The following BCL11B variants were observed in gnomAD, a reference collection of about 807,000 sequenced individuals.
The protein encoded by BCL11B is BCL11 transcription factor B.
Under a neutral mutation model 49.9 loss-of-function variants are expected in BCL11B, and 8 were observed. That is an observed-to-expected ratio of 0.16 (90% CI 0.09 to 0.29). The LOEUF is 0.29. BCL11B is among the 10% of genes least tolerant of loss of function. BCL11B has a pLI of 1.00. For synonymous variants in BCL11B, 739 were observed against 637.4 expected (o/e 1.16, Z -2.40); for missense variants, 1,006 against 1,351.0 (o/e 0.74, Z 4.00).
At chr14:99,253,236 C>T (rs559497240) in intron 2 of BCL11B, among the ~76,000 whole-genome samples, 5 of 152,322 alleles carry the variant, frequency 3.3e-5, no homozygotes, top group African/African-American at 1.2e-4. Context: ...AACCCCCCGC[C>T]GGCTCCTCAG....
chr14:99,191,115 G>A (rs1378655430), intron 3 of BCL11B, among the ~76,000 whole-genome samples: 1 of 152,136 alleles, frequency 6.6e-6, no homozygotes, highest in African/African-American at 2.4e-5. Context: ...GAAAAAAACA[G>A]CCTAGGACAG....
intron 1 of BCL11B, chr14:99,264,872 G>A (rs1367952204): frequency 2.0e-5 from 3 of 152,232 alleles, no homozygotes; most frequent in Admixed American, 2.0e-4. Flanking sequence ...CACGCCCTGG[G>A]AAACATACTT....
chr14:99,269,998 C>A (rs891885036), intron 1 of BCL11B, among the ~76,000 whole-genome samples: 16 of 149,018 alleles, frequency 1.1e-4, no homozygotes, highest in African/African-American at 4.0e-4. Context: ...CTGCGGCGGG[C>A]GGGGAGCGCC....
At chr14:99,206,093 A>C (rs932967570) in intron 3 of BCL11B, among the ~76,000 whole-genome samples, 2 of 152,208 alleles carry the variant, frequency 1.3e-5, no homozygotes, top group African/African-American at 4.8e-5. Context: ...CTCCAGGAGC[A>C]GAGGCAGAGG....
intron 3 of BCL11B, among the ~76,000 whole-genome samples, chr14:99,179,121 A>C (rs1886623992): frequency 6.6e-6 from 1 of 152,178 alleles, no homozygotes; most frequent in Non-Finnish European, 1.5e-5. Context: ...CAGTTACTGG[A>C]AGTCAGGTAG....
rs765755759 is a variant in BCL11B at position 99,213,652 on chromosome 14, T to C, written c.640+17693A>G. Reference sequence around the variant, plus strand: ...CTCCCGGACGCCACAGGCTGCAGAGTCCATGAGCTTGGGCAGAGCACAAAG... The same window carrying C: ...CTCCCGGACGCCACAGGCTGCAGAGCCCATGAGCTTGGGCAGAGCACAAAG... On this transcript the variant is annotated intron_variant, in intron 3 of 3. Transcript: ENST00000357195. The surrounding 1 kb of genome is among the most constrained non-coding windows in gnomAD (Gnocchi z 5.1). Among the ~76,000 whole-genome samples the C allele has an allele frequency of 1.3e-5, 2 of 151,744 alleles. No individual in the cohort carries two copies. Among genetic ancestry groups the C allele is most frequent in the South Asian group, 4.2e-4 (2 of 4,796 alleles).
At chr14:99,185,881 C>T (rs1886838555) in intron 3 of BCL11B, among the ~76,000 whole-genome samples, 1 of 152,196 alleles carries the variant, frequency 6.6e-6, no homozygotes, top group Non-Finnish European at 1.5e-5. Context: ...GAAATGGTAT[C>T]GTTACAGCAA....
In BCL11B at chr14:99,194,080, G is replaced by C. The variant is rs1052489523; in HGVS notation, c.641-17885C>G. Among the ~76,000 whole-genome samples, 3 of 152,176 alleles carry C rather than the reference G, an allele frequency of 2.0e-5. No homozygotes were observed. Among genetic ancestry groups the C allele is most frequent in the Non-Finnish European group, 4.4e-5 (3 of 68,034 alleles). ...AGCAAATGGCAAATTCAGTGATTTT[G>C]CAAGGAATGGGAATGTCGTGAGAAA... On this transcript the variant is annotated intron_variant, in intron 3 of 3. Transcript: ENST00000357195. This position sits in a 1 kb window ranked among gnomAD's most constrained non-coding sequence, Gnocchi z 4.6.
chr14:99,235,420 C>G (rs1321913129), intron 2 of BCL11B, among the ~76,000 whole-genome samples: 1 of 152,158 alleles, frequency 6.6e-6, no homozygotes, highest in Non-Finnish European at 1.5e-5. Context: ...CGCGCCCCCT[C>G]CCCCCATGCC....
At chr14:99,214,959 G>C (rs986030761) in intron 3 of BCL11B, among the ~76,000 whole-genome samples, 1 of 152,078 alleles carries the variant, frequency 6.6e-6, no homozygotes, top group East Asian at 1.9e-4. Context: ...GCAGGGGTGG[G>C]GGATGCGCCC....
Position 99,218,919 on chromosome 14 carries a change from G to C in BCL11B, c.640+12426C>G, listed in dbSNP as rs562707436. Among the ~76,000 whole-genome samples the C allele has an allele frequency of 3.3e-5, 5 of 152,366 alleles. 1 individual carries two copies. The highest frequency in any genetic ancestry group is 1.2e-4 in the African/African-American group (5 of 41,596). ...TTGTTCAGAAGAGAAGTCAAACCCA[G>C]AGGAGAAAGCTGTGTGCCCACAGAG... On this transcript the variant is annotated intron_variant, in intron 3 of 3. Coordinates refer to ENST00000357195, the MANE Select transcript of BCL11B (RefSeq NM_138576.4).
chr14:99,205,629 A>G lies in BCL11B; in HGVS notation c.640+25716T>C, dbSNP rs936960640. 3.0e-4 allele frequency among the ~76,000 whole-genome samples: 46 copies of G among 152,120 alleles called. No individual in the cohort carries two copies. The highest frequency in any genetic ancestry group is 1.1e-3 in the African/African-American group (46 of 41,416). ...AGCCCAAAATTTGACAGGACATTTG[A>G]AGCATCCGCCCCCCTACCCCCCAGC... On this transcript the variant is annotated intron_variant, in intron 3 of 3. Coordinates refer to ENST00000357195, the MANE Select transcript of BCL11B (RefSeq NM_138576.4). The surrounding 1 kb of genome is among the most constrained non-coding windows in gnomAD (Gnocchi z 5.0).
chr14:99,224,064 G>A (rs914324647), intron 3 of BCL11B, among the ~76,000 whole-genome samples: 1 of 152,214 alleles, frequency 6.6e-6, no homozygotes, highest in Non-Finnish European at 1.5e-5. Context: ...CCTCAGTCCA[G>A]CCCAGGGTCT....
intron 1 of BCL11B, among the ~76,000 whole-genome samples, chr14:99,269,148 C>T (rs1361530709): frequency 6.6e-6 from 1 of 150,730 alleles, no homozygotes; most frequent in African/African-American, 2.4e-5. Context: ...TCCACTCCCC[C>T]TTCCCCGACC....
At chr14:99,181,883 C>T (rs1268497560) in intron 3 of BCL11B, among the ~76,000 whole-genome samples, 2 of 152,210 alleles carry the variant, frequency 1.3e-5, no homozygotes, top group Non-Finnish European at 2.9e-5. Flanking sequence ...CTCAGTCCGC[C>T]TCCAGAATCC....
chr14:99,231,682 G>C lies in BCL11B; in HGVS notation c.428-125C>G, dbSNP rs577410553. ...CACCCTTCGGGGGTGGGAGGCCCCC[G>C]GGGTGCCAGGCCCTGCAGGGAAGGC... On this transcript the variant is annotated intron_variant, in intron 2 of 3. Transcript: ENST00000357195. The surrounding 1 kb of genome is among the most constrained non-coding windows in gnomAD (Gnocchi z 8.1). The C allele has an allele frequency of 1.0e-6, 1 of 1,003,554 alleles. No individual in the cohort carries two copies. Among genetic ancestry groups the C allele is most frequent in the East Asian group, 2.6e-5 (1 of 37,820 alleles). The allele number at this position is 1,003,554 out of a possible 1,614,324, so 62.2% of individuals were successfully genotyped here.
intron 3 of BCL11B, among the ~76,000 whole-genome samples, chr14:99,224,191 T>A (rs1254630872): frequency 6.6e-6 from 1 of 152,112 alleles, no homozygotes; most frequent in African/African-American, 2.4e-5. Context: ...TACAGCCCAG[T>A]GGGAAGCCAG....
chr14:99,173,732 C>A lies in BCL11B; in HGVS notation c.*419G>T, dbSNP rs1266198842. On this transcript the variant is annotated 3_prime_UTR_variant, in exon 4 of 4. Transcript: ENST00000357195. ...CAAAAAAGCAGCACCACCCCTCCCC[C>A]CAAATTATAATTTAAAAGATATGCT... 2.1e-5 allele frequency: 5 copies of A among 237,090 alleles called. No homozygotes were observed. The highest frequency in any genetic ancestry group is 3.3e-5 in the Non-Finnish European group (4 of 120,638). The allele number at this position is 237,090 out of a possible 1,614,324, so 14.7% of individuals were successfully genotyped here. A position where few individuals can be genotyped will look rare whatever the true frequency, so the allele number is the denominator to read the frequency against.
In BCL11B at chr14:99,231,152, G is replaced by A. The variant is rs1161902922; in HGVS notation, c.640+193C>T. Among the ~76,000 whole-genome samples the A allele has an allele frequency of 6.6e-6, 1 of 152,198 alleles. No individual in the cohort carries two copies. The highest frequency in any genetic ancestry group is 1.5e-5 in the Non-Finnish European group (1 of 68,036). On this transcript the variant is annotated intron_variant, in intron 3 of 3. Coordinates refer to ENST00000357195, the MANE Select transcript of BCL11B (RefSeq NM_138576.4). The surrounding 1 kb of genome is among the most constrained non-coding windows in gnomAD (Gnocchi z 8.1). ...CAGAACGGGTGGGGGCACCGTGGGG[G>A]ACTCCTGACCGAGGGGCACCGGGCC...
Sources: allele counts gnomAD v4.1 joint callset (sites outside exome capture counted in the v4.1 genomes callset), GRCh38; gene constraint gnomAD v4.1.1; non-coding constraint Gnocchi (gnomAD v3.1); transcripts MANE v1.5; gene names NCBI Gene and HGNC (gene_info 2026-07-23, HGNC 2026-07-21).